EPHB1: variants seen among roughly 807,000 people sequenced by gnomAD.
EPHB1 encodes ephrin type-B receptor 1.
Under a neutral mutation model 94.4 loss-of-function variants are expected in EPHB1, and 30 were observed. The ratio of observed to expected loss-of-function variants is 0.32; its 90% confidence interval spans 0.24 to 0.43. The LOEUF is 0.43. Ranked by LOEUF, EPHB1 falls within the 20% of genes least tolerant of loss-of-function variation. EPHB1 has a pLI of 1.00. For synonymous variants in EPHB1, 522 were observed against 489.1 expected (o/e 1.07, Z -0.89); for missense variants, 1,055 against 1,308.3 (o/e 0.81, Z 2.99).
intron 3 of EPHB1, among the ~76,000 whole-genome samples, chr3:135,008,348 G>A (rs968262472): frequency 6.6e-6 from 1 of 152,176 alleles, no homozygotes; most frequent in African/African-American, 2.4e-5. Context: ...TTTTACAGAT[G>A]AGGATGCTGA....
intron 1 of EPHB1, among the ~76,000 whole-genome samples, chr3:134,870,053 T>G (rs1212455561): frequency 6.6e-6 from 1 of 152,004 alleles, no homozygotes; most frequent in African/African-American, 2.4e-5. Flanking sequence ...AGCAGAAAAA[T>G]CAGGTAAGGA....
chr3:134,947,630 A>G (rs1039726680), intron 2 of EPHB1, among the ~76,000 whole-genome samples: 1 of 152,208 alleles, frequency 6.6e-6, no homozygotes, highest in African/African-American at 2.4e-5. Context: ...AGGGTCACCC[A>G]TTGTGATTTC....
At chr3:135,091,879 C>T (rs1938570598) in intron 3 of EPHB1, among the ~76,000 whole-genome samples, 1 of 152,138 alleles carries the variant, frequency 6.6e-6, no homozygotes, top group South Asian at 2.1e-4. Flanking sequence ...GTCTGGGGCT[C>T]TGGAAAAAGT....
At chr3:135,220,642 C>G (rs1186099480) in intron 12 of EPHB1, among the ~76,000 whole-genome samples, 1 of 149,382 alleles carries the variant, frequency 6.7e-6, no homozygotes, top group Non-Finnish European at 1.5e-5. Flanking sequence ...TCAAAGTGAC[C>G]TGTCAAGTCT....
rs760675602 is a variant in EPHB1, at chr3:135,179,842, C to T, written c.1760-18C>T. The T allele has an allele frequency of 1.1e-5, 18 of 1,613,322 alleles. No homozygotes were observed. Among genetic ancestry groups the T allele is most frequent in the Non-Finnish European group, 1.5e-5 (18 of 1,179,522 alleles). On this transcript the variant is annotated intron_variant, in intron 9 of 15. Coordinates refer to ENST00000398015, the MANE Select transcript of EPHB1 (RefSeq NM_004441.5). ...TGTCCTCTTTGGGATGTTAACCCTG[C>T]TTATCTCCTCCAACAAGGCTCCCCA...
intron 1 of EPHB1, among the ~76,000 whole-genome samples, chr3:134,815,725 T>A (rs924369222): frequency 1.3e-5 from 2 of 152,322 alleles, no homozygotes; most frequent in East Asian, 3.9e-4. Flanking sequence ...ATGTAGCTAT[T>A]TTTATTCAGC....
intron 1 of EPHB1, among the ~76,000 whole-genome samples, chr3:134,862,666 G>T (rs568677221): frequency 2.0e-5 from 3 of 152,118 alleles, no homozygotes; most frequent in Non-Finnish European, 2.9e-5. Flanking sequence ...CTTGGTTGCC[G>T]TGTGGCTCAG....
At chr3:134,887,613 C>A (rs550751803) in intron 1 of EPHB1, among the ~76,000 whole-genome samples, 1 of 152,088 alleles carries the variant, frequency 6.6e-6, no homozygotes, top group African/African-American at 2.4e-5. Context: ...CAAAGGATAC[C>A]AAAACACCTC....
intron 9 of EPHB1, among the ~76,000 whole-genome samples, chr3:135,174,320 T>G (rs1340418933): frequency 2.0e-5 from 3 of 152,114 alleles, no homozygotes; most frequent in Non-Finnish European, 2.9e-5. Context: ...CTGGTATCAC[T>G]CTCCCCACTC....
At chr3:134,881,697 A>G (rs1033387086) in intron 1 of EPHB1, among the ~76,000 whole-genome samples, 3 of 152,214 alleles carry the variant, frequency 2.0e-5, no homozygotes, top group African/African-American at 7.2e-5. Context: ...CATCCACTTT[A>G]GAGTGATAAA....
chr3:134,887,453 TCACATTACTAAGA>T (rs1341994072), intron 1 of EPHB1, among the ~76,000 whole-genome samples: 1 of 152,164 alleles, frequency 6.6e-6, no homozygotes, highest in African/African-American at 2.4e-5. Flanking sequence ...ATTGGGAAAG[TCACATTACTAAGA>T]CACATAGACA....
chr3:134,834,286 A>AG (rs1370818320), intron 1 of EPHB1, among the ~76,000 whole-genome samples: 1 of 152,212 alleles, frequency 6.6e-6, no homozygotes, highest in East Asian at 1.9e-4. Context: ...GGTCAGATTG[A>AG]GGGGAGATTT....
At chr3:135,117,907 CTG>C (rs1241931310) in intron 4 of EPHB1, among the ~76,000 whole-genome samples, 2 of 150,428 alleles carry the variant, frequency 1.3e-5, no homozygotes, top group African/African-American at 4.9e-5. Flanking sequence ...CAGGTGCAGG[CTG>C]TCTCTTCTGG....
chr3:135,253,133 T>C (rs1444384960), intron 15 of EPHB1, among the ~76,000 whole-genome samples: 1 of 149,882 alleles, frequency 6.7e-6, no homozygotes, highest in Admixed American at 6.6e-5. Flanking sequence ...GATGAGTAGG[T>C]TGTGAAAATT....
intron 1 of EPHB1, among the ~76,000 whole-genome samples, chr3:134,800,432 G>C (rs1295492069): frequency 6.6e-6 from 1 of 152,200 alleles, no homozygotes; most frequent in Non-Finnish European, 1.5e-5. Flanking sequence ...GGGCAATTTT[G>C]GAAGCCCAAA....
In EPHB1 at chr3:134,856,416, C is replaced by T. The variant is rs189273721; in HGVS notation, c.58+60727C>T. ...AGGATAGCTAGGCTTTCCTGCACCC[C>T]ACTCCTTGAGGTTGTAGAAGAGAGT... On this transcript the variant is annotated intron_variant, in intron 1 of 15. Coordinates refer to ENST00000398015, the MANE Select transcript of EPHB1 (RefSeq NM_004441.5). 2.0e-5 allele frequency among the ~76,000 whole-genome samples: 3 copies of T among 152,312 alleles called. No homozygotes were observed. In the East Asian group the frequency reaches 5.8e-4, roughly 29 times the overall value.
chr3:135,012,167 C>T (rs899552892), intron 3 of EPHB1, among the ~76,000 whole-genome samples: 1 of 152,162 alleles, frequency 6.6e-6, no homozygotes, highest in African/African-American at 2.4e-5. Context: ...TCAGTACCAC[C>T]AAGCAATTAC....
intron 13 of EPHB1, among the ~76,000 whole-genome samples, chr3:135,243,142 C>T (rs1289102912): frequency 6.6e-6 from 1 of 150,854 alleles, no homozygotes; most frequent in Non-Finnish European, 1.5e-5. Flanking sequence ...CTGCCCAAGA[C>T]CTTAATCTGA....
intron 11 of EPHB1, among the ~76,000 whole-genome samples, chr3:135,193,421 A>G (rs944023307): frequency 1.3e-5 from 2 of 152,216 alleles, no homozygotes; most frequent in Admixed American, 1.3e-4. Flanking sequence ...CCTGTAAAAG[A>G]TCATTGTCAG....
Sources: gnomAD v4.1 joint callset for allele counts (sites outside exome capture counted in the v4.1 genomes callset) on GRCh38, gnomAD v4.1.1 for gene constraint, MANE v1.5 for transcripts, NCBI Gene and HGNC (gene_info 2026-07-23, HGNC 2026-07-21) for gene names.